The following PRDM16 variants were observed in gnomAD, a reference collection of about 807,000 sequenced individuals.
PRDM16 encodes PR/SET domain 16.
PRDM16 carries 23 observed loss-of-function variants against 110.6 expected under a neutral mutation model. The observed-to-expected ratio is 0.21, with a 90% CI of 0.15 to 0.29. The LOEUF (loss-of-function observed/expected upper bound fraction) is 0.29, where lower values mean the gene tolerates loss of function less well. PRDM16 is among the 10% of genes least tolerant of loss of function. The pLI, the probability that PRDM16 is intolerant of heterozygous loss-of-function variation, is 1.00. For missense variants in PRDM16, 1,615 were observed against 1,794.3 expected (o/e 0.90, Z 1.81); for synonymous variants, 799 against 781.8 (o/e 1.02, Z -0.37).
intron 1 of PRDM16, among the ~76,000 whole-genome samples, chr1:3,185,203 G>A (rs1644253607): frequency 6.6e-6 from 1 of 152,018 alleles, no homozygotes; most frequent in African/African-American, 2.4e-5. Flanking sequence ...CTACAATCTG[G>A]TATAGTTTCG....
At chr1:3,198,981 C>T (rs550674417) in intron 2 of PRDM16, among the ~76,000 whole-genome samples, 6 of 152,288 alleles carry the variant, frequency 3.9e-5, no homozygotes, top group South Asian at 2.1e-4. Flanking sequence ...TTGTCTGTCG[C>T]GGCAGCAGCT....
Position 3,255,977 on chromosome 1 carries a change from G to A in PRDM16, c.438+11840G>A, listed in dbSNP as rs1640037447. ...GGGTGGAACGAGCTCCGCCTCTCAG[G>A]GGAGGGACAGGATTACGTGGCAGAG... On this transcript the variant is annotated intron_variant, in intron 3 of 16. Transcript: ENST00000270722. The surrounding 1 kb of genome is among the most constrained non-coding windows in gnomAD (Gnocchi z 4.7). Among the ~76,000 whole-genome samples the A allele has an allele frequency of 6.6e-6, 1 of 152,170 alleles. No homozygotes were observed. Among genetic ancestry groups the A allele is most frequent in the African/African-American group, 2.4e-5 (1 of 41,434 alleles).
rs566856228 is a variant in PRDM16, at chr1:3,412,012, G to A, written c.1815G>A (p.Glu605=). ...ACATGTCGGACGGCAGTGACTTTGA[G>A]GACGTCAACACCACCACGGGGACCG... is the stretch of plus-strand genomic sequence containing the variant. The part of the protein sequence containing the change: ...SSDMSDGSDF[E]DVNTTTGTDL... The change falls in exon 9 of 17, where the codon GAG becomes GAA. Residue 605 remains glutamate, a synonymous_variant. Transcript: ENST00000270722. The A allele has an allele frequency of 1.5e-5, 24 of 1,613,638 alleles. No homozygotes were observed. The African/African-American group carries it at 3.1e-4, about 21-fold the overall frequency.
At chr1:3,127,069 G>T (rs1157610927) in intron 1 of PRDM16, among the ~76,000 whole-genome samples, 1 of 152,224 alleles carries the variant, frequency 6.6e-6, no homozygotes, top group Admixed American at 6.5e-5. Flanking sequence ...CAGTGGGGAC[G>T]AGACTTAGAT....
intron 1 of PRDM16, among the ~76,000 whole-genome samples, chr1:3,173,427 TA>T (rs1410717824): frequency 1.3e-5 from 2 of 152,194 alleles, no homozygotes; most frequent in South Asian, 4.1e-4. Flanking sequence ...ATTGCACGGA[TA>T]AATAATCGTC....
intron 8 of PRDM16, among the ~76,000 whole-genome samples, chr1:3,409,459 A>C (rs1005369415): frequency 1.2e-4 from 19 of 152,106 alleles, no homozygotes; most frequent in Admixed American, 5.2e-4. Flanking sequence ...AGGAAGGTAG[A>C]GCGGTTAATA....
At chr1:3,077,514 T>A (rs1370969039) in intron 1 of PRDM16, among the ~76,000 whole-genome samples, 1 of 152,166 alleles carries the variant, frequency 6.6e-6, no homozygotes, top group Non-Finnish European at 1.5e-5. Context: ...CCAGCAGGGG[T>A]GTCTGCACAG....
At chr1:3,142,939 G>A (rs1452539794) in intron 1 of PRDM16, among the ~76,000 whole-genome samples, 1 of 152,214 alleles carries the variant, frequency 6.6e-6, no homozygotes, top group Non-Finnish European at 1.5e-5. Flanking sequence ...CCCCCTGGCC[G>A]GGGCACCCAG....
At chr1:3,249,004 G>A (rs1639861646) in intron 3 of PRDM16, among the ~76,000 whole-genome samples, 2 of 152,174 alleles carry the variant, frequency 1.3e-5, no homozygotes, top group Admixed American at 1.3e-4. Flanking sequence ...ACTGGAGGAG[G>A]CCACACACCC....
At chr1:3,317,225 A>G (rs61376028) in intron 3 of PRDM16, among the ~76,000 whole-genome samples, 201 of 152,280 alleles carry the variant, frequency 1.3e-3, no homozygotes, top group African/African-American at 4.5e-3. Context: ...GGATGTTTGC[A>G]TCTTTGCTGT....
chr1:3,342,822 C>T (rs960131359), intron 3 of PRDM16, among the ~76,000 whole-genome samples: 7 of 152,152 alleles, frequency 4.6e-5, no homozygotes, highest in Admixed American at 2.0e-4. Flanking sequence ...TTGTCAGCTG[C>T]GTGTTCTTTT....
intron 8 of PRDM16, among the ~76,000 whole-genome samples, chr1:3,408,805 AGCGCGTGTGG>A (rs1643611851): frequency 1.3e-5 from 1 of 76,296 alleles, no homozygotes; most frequent in African/African-American, 6.5e-5. Context: ...CGTGTGTGTG[AGCGCGTGTGG>A]GCGCGTGAGC....
At chr1:3,356,766 G>A (rs1211389892) in intron 3 of PRDM16, among the ~76,000 whole-genome samples, 13 of 152,168 alleles carry the variant, frequency 8.5e-5, no homozygotes, top group Admixed American at 1.3e-4. Flanking sequence ...AGGTGGGCAC[G>A]GGACAGATCC....
At chr1:3,356,099 G>A (rs1187553796) in intron 3 of PRDM16, among the ~76,000 whole-genome samples, 1 of 152,194 alleles carries the variant, frequency 6.6e-6, no homozygotes, top group African/African-American at 2.4e-5. Flanking sequence ...TTCTGGAAAC[G>A]GTGCCATTGG....
At chr1:3,135,071 G>A (rs1643409678) in intron 1 of PRDM16, among the ~76,000 whole-genome samples, 1 of 152,216 alleles carries the variant, frequency 6.6e-6, no homozygotes, top group Admixed American at 6.5e-5. Flanking sequence ...CCGGGTCAGG[G>A]GCTTCTGGAA....
At chr1:3,179,114 C>T (rs993903973) in intron 1 of PRDM16, among the ~76,000 whole-genome samples, 2 of 152,232 alleles carry the variant, frequency 1.3e-5, no homozygotes, top group African/African-American at 4.8e-5. Context: ...GGGCTCTCCC[C>T]GGTTTTGAAA....
At position 3,435,747 on chromosome 1, in the gene PRDM16, C is replaced by T. The variant is rs1197554687; in HGVS notation, c.*1936C>T. ...GGTGACGGGAGGTGTCCTGGCTGCT[C>T]CAGGACAAAAGACAATCGTCTCTGT... On this transcript the variant is annotated 3_prime_UTR_variant, in exon 17 of 17. Transcript: ENST00000270722. The T allele has an allele frequency of 4.3e-6, 1 of 232,530 alleles. No individual in the cohort carries two copies. The highest frequency in any genetic ancestry group is 6.1e-5 in the East Asian group (1 of 16,510). The allele number at this position is 232,530 out of a possible 1,614,324, so 14.4% of individuals were successfully genotyped here.
rs1001024324 is a variant in PRDM16, at chr1:3,209,744, T to C, written c.387+23270T>C. On this transcript the variant is annotated intron_variant, in intron 2 of 16. Coordinates refer to ENST00000270722, the MANE Select transcript of PRDM16 (RefSeq NM_022114.4). This position sits in a 1 kb window ranked among gnomAD's most constrained non-coding sequence, Gnocchi z 4.6. Reference sequence around the variant, plus strand: ...CCCCACAGAGCCCCTTCCCTGAGGGTTGGGCCAGGAACTTGTCTTGTAGTT... The same window carrying C: ...CCCCACAGAGCCCCTTCCCTGAGGGCTGGGCCAGGAACTTGTCTTGTAGTT... Among the ~76,000 whole-genome samples, 3 of 151,928 alleles carry C rather than the reference T, an allele frequency of 2.0e-5. No individual in the cohort carries two copies. Among genetic ancestry groups the C allele is most frequent in the Admixed American group, 2.0e-4 (3 of 15,254 alleles).
intron 9 of PRDM16, among the ~76,000 whole-genome samples, chr1:3,414,208 G>A (rs889044847): frequency 3.3e-5 from 5 of 152,234 alleles, no homozygotes; most frequent in African/African-American, 9.6e-5. Context: ...AACTCCAGCC[G>A]CCTGCACTTA....
Sources: allele counts gnomAD v4.1 joint callset (sites outside exome capture counted in the v4.1 genomes callset), GRCh38; gene constraint gnomAD v4.1.1; non-coding constraint Gnocchi (gnomAD v3.1); transcripts MANE v1.5; gene names NCBI Gene and HGNC (gene_info 2026-07-23, HGNC 2026-07-21).